Variants in KCNIP4 observed in about 807,000 individuals in gnomAD.
KCNIP4 encodes the protein Kv channel-interacting protein 4.
KCNIP4 carries 12 observed loss-of-function variants against 34.0 expected under a neutral mutation model. The observed-to-expected ratio is 0.35, with a 90% CI of 0.23 to 0.57. The LOEUF is 0.57. KCNIP4 is among the 20% of genes least tolerant of loss of function. The probability of loss-of-function intolerance (pLI) is 0.83; values close to 1 mark genes in which losing one functional copy is unlikely to be tolerated. For synonymous variants in KCNIP4, 124 were observed against 102.2 expected, an observed-to-expected ratio of 1.21 and a Z score of -1.29; for missense variants, 238 against 311.7, an observed-to-expected ratio of 0.76 and a Z score of 1.78.
At chr4:21,681,902 T>A (rs1237554035) in intron 1 of KCNIP4, among the ~76,000 whole-genome samples, 3 of 151,712 alleles carry the variant, frequency 2.0e-5, no homozygotes, top group African/African-American at 4.9e-5. Context: ...TTATTTATTT[T>A]TTTTGAGACA....
At chr4:21,826,669 T>C (rs1388210822) in intron 1 of KCNIP4, among the ~76,000 whole-genome samples, 4 of 151,976 alleles carry the variant, frequency 2.6e-5, no homozygotes, top group African/African-American at 9.7e-5. Context: ...AAATAAAAAT[T>C]TGCAAGTAAT....
chr4:21,541,092 A>T (rs895210495), intron 1 of KCNIP4, among the ~76,000 whole-genome samples: 2 of 151,540 alleles, frequency 1.3e-5, no homozygotes, highest in African/African-American at 4.9e-5. Flanking sequence ...AATTGCTTGA[A>T]TCCAGGAGAC....
intron 1 of KCNIP4, among the ~76,000 whole-genome samples, chr4:21,561,897 T>C (rs1739509795): frequency 6.6e-6 from 1 of 151,964 alleles, no homozygotes; most frequent in Non-Finnish European, 1.5e-5. Flanking sequence ...AGAAGGACCC[T>C]GTGCCCTGGC....
intron 1 of KCNIP4, among the ~76,000 whole-genome samples, chr4:21,112,025 G>GTATCTATCTATC (rs34396290): frequency 0.014 from 1,645 of 114,772 alleles, 20 homozygotes; most frequent in East Asian, 0.026. Context: ...TCCTTTCTCT[G>GTATCTATCTATC]TATCTATCTA....
rs71191535 is a variant in KCNIP4, at chr4:21,687,316, T to TAA, written c.61+261253_61+261254dup. On this transcript the variant is annotated intron_variant, in intron 1 of 8. Coordinates refer to ENST00000382152, the MANE Select transcript of KCNIP4 (RefSeq NM_025221.6). ...CACATATACCCTAAAACTTAAAGTA[T>TAA]AAAAAAAAAAAAAAAAGAAGTGATT... Among the ~76,000 whole-genome samples the TAA allele has an allele frequency of 7.4e-5, 9 of 121,168 alleles. No homozygotes were observed. The East Asian group carries it at 2.1e-3, about 29-fold the overall frequency. 79.5% of individuals were successfully genotyped at this position (121,168 alleles called of 152,430 possible). A position where few individuals can be genotyped will look rare whatever the true frequency, so the allele number is the denominator to read the frequency against.
At chr4:21,153,018 A>T (rs114539734) in intron 1 of KCNIP4, among the ~76,000 whole-genome samples, 3,849 of 152,276 alleles carry the variant, frequency 0.025, 183 homozygotes, top group African/African-American at 0.086. Flanking sequence ...AATGGCTGTG[A>T]ATGGTCATCA....
At chr4:21,659,585 A>G (rs539668946) in intron 1 of KCNIP4, among the ~76,000 whole-genome samples, 2 of 152,258 alleles carry the variant, frequency 1.3e-5, no homozygotes, top group Non-Finnish European at 2.9e-5. Context: ...TTCTTCATCT[A>G]GAGATTTGGA....
intron 1 of KCNIP4, among the ~76,000 whole-genome samples, chr4:21,352,430 G>A (rs1312037195): frequency 6.6e-6 from 1 of 152,220 alleles, no homozygotes; most frequent in African/African-American, 2.4e-5. Context: ...CCCAAATACT[G>A]CAATTTTCCC....
intron 7 of KCNIP4, 139 bp downstream of exon 7, chr4:20,732,540 AAT>A: frequency 3.0e-6 from 2 of 663,958 alleles, no homozygotes; most frequent in Non-Finnish European, 5.3e-6. Flanking sequence ...AAAGCTATTA[AAT>A]TAATAGGATG....
intron 2 of KCNIP4, among the ~76,000 whole-genome samples, chr4:20,877,736 G>A (rs1379771350): frequency 6.6e-6 from 1 of 152,068 alleles, no homozygotes; most frequent in Non-Finnish European, 1.5e-5. Context: ...AATTTTTCCA[G>A]TAAGTTTTCT....
intron 1 of KCNIP4, among the ~76,000 whole-genome samples, chr4:21,168,375 G>A (rs1179310764): frequency 1.3e-5 from 2 of 152,058 alleles, no homozygotes; most frequent in Non-Finnish European, 2.9e-5. Context: ...AACACTTTCT[G>A]CAACTTGATG....
At chr4:21,322,064 AGGAG>A (rs1714534398) in intron 1 of KCNIP4, among the ~76,000 whole-genome samples, 3 of 123,998 alleles carry the variant, frequency 2.4e-5, no homozygotes, top group East Asian at 2.9e-4. Context: ...AAGGAAGGAA[AGGAG>A]GGAGGGAGGA....
intron 1 of KCNIP4, among the ~76,000 whole-genome samples, chr4:21,240,637 A>G (rs1278415681): frequency 6.6e-6 from 1 of 152,138 alleles, no homozygotes; most frequent in Non-Finnish European, 1.5e-5. Flanking sequence ...AATCCTAGAT[A>G]GGGTACAATT....
Position 21,451,965 on chromosome 4 carries a change from C to T in KCNIP4, c.61+496606G>A, listed in dbSNP as rs111922267. Reference sequence around the variant, plus strand: ...TCATTTAAAAGAAAAGAATGTTATTCCTTACAAAACCTTATTTACTGAAAT... The same window carrying T: ...TCATTTAAAAGAAAAGAATGTTATTTCTTACAAAACCTTATTTACTGAAAT... On this transcript the variant is annotated intron_variant, in intron 1 of 8. Coordinates refer to ENST00000382152, the MANE Select transcript of KCNIP4 (RefSeq NM_025221.6). 1.4e-3 allele frequency among the ~76,000 whole-genome samples: 213 copies of T among 152,078 alleles called. 2 individuals are homozygous for T. The highest frequency in any genetic ancestry group is 4.7e-3 in the African/African-American group (195 of 41,476).
chr4:21,221,847 G>T (rs1482924480), intron 1 of KCNIP4, among the ~76,000 whole-genome samples: 1 of 152,186 alleles, frequency 6.6e-6, no homozygotes, highest in Non-Finnish European at 1.5e-5. Context: ...AATCTAGGCA[G>T]CCCCATGAAT....
At chr4:21,336,851 G>A (rs769077968) in intron 1 of KCNIP4, among the ~76,000 whole-genome samples, 1 of 152,078 alleles carries the variant, frequency 6.6e-6, no homozygotes, top group Non-Finnish European at 1.5e-5. Flanking sequence ...TATAAGACTG[G>A]AGGAGATGCA....
Position 21,027,100 on chromosome 4 carries a change from C to T in KCNIP4, c.62-144391G>A, listed in dbSNP as rs116237300. On this transcript the variant is annotated intron_variant, in intron 1 of 8. Coordinates refer to ENST00000382152, the MANE Select transcript of KCNIP4 (RefSeq NM_025221.6). ...ACAGTGGGTGTGGATAGATCAGTTTCTTAAGAGCTTTTTGAACAGTTTGAC... is the reference window on the plus strand; with the variant it reads ...ACAGTGGGTGTGGATAGATCAGTTTTTTAAGAGCTTTTTGAACAGTTTGAC... Among the ~76,000 whole-genome samples, 1,038 of 152,224 alleles carry T rather than the reference C, an allele frequency of 6.8e-3. 11 individuals carry two copies. Among genetic ancestry groups the T allele is most frequent in the Non-Finnish European group, 0.011 (770 of 68,014 alleles).
At chr4:21,922,776 T>C (rs575682512) in intron 1 of KCNIP4, among the ~76,000 whole-genome samples, 1 of 152,222 alleles carries the variant, frequency 6.6e-6, no homozygotes, top group South Asian at 2.1e-4. Flanking sequence ...AAGGATGACA[T>C]TTGCTACATA....
intron 1 of KCNIP4, among the ~76,000 whole-genome samples, chr4:21,054,354 A>G (rs564972260): frequency 1.2e-3 from 183 of 152,132 alleles, no homozygotes; most frequent in African/African-American, 4.0e-3. Context: ...CCCCGTCTCT[A>G]CCGAAAATAC....
Sources: gnomAD v4.1 joint callset for allele counts (sites outside exome capture counted in the v4.1 genomes callset) on GRCh38, gnomAD v4.1.1 for gene constraint, MANE v1.5 for transcripts, NCBI Gene and HGNC (gene_info 2026-07-23, HGNC 2026-07-21) for gene names.